MYO5C: variants seen among roughly 807,000 people sequenced by gnomAD.
The protein encoded by MYO5C is unconventional myosin-Vc.
A neutral mutation model predicts 235.7 loss-of-function variants in MYO5C; 194 were observed. The observed-to-expected ratio is 0.82, with a 90% CI of 0.73 to 0.93. The LOEUF (loss-of-function observed/expected upper bound fraction) is 0.93. Among genes scored for constraint, MYO5C ranks in the 40% least tolerant of loss-of-function variants. The pLI is 0.00. For synonymous variants in MYO5C, 707 were observed against 754.8 expected (o/e 0.94, Z 1.04); for missense variants, 2,038 against 2,127.2 (o/e 0.96, Z 0.82).
At chr15:52,250,984 T>C (rs4238389) in intron 13 of MYO5C, 148,896 of 153,522 alleles carry the variant, frequency 0.97, 72,386 homozygotes, top group East Asian at 1. Flanking sequence ...GATAACCCAT[T>C]ATCATCTTGA....
Position 52,201,160 on chromosome 15 carries a change from G to A in MYO5C, c.4820+3705C>T, listed in dbSNP as rs113286705. 9.9e-5 allele frequency among the ~76,000 whole-genome samples: 15 copies of A among 152,202 alleles called. No homozygotes were observed. In the East Asian group the frequency reaches 2.7e-3, roughly 27 times the overall value. ...CAGTGGCTGAAAATGTACCAAATTT[G>A]GTGAATGGCCAGATTCAAGAAGCTC... On this transcript the variant is annotated intron_variant, in intron 38 of 40. Coordinates refer to ENST00000261839, the MANE Select transcript of MYO5C (RefSeq NM_018728.4).
chr15:52,234,094 C>T (rs556438412), intron 23 of MYO5C, among the ~76,000 whole-genome samples: 43 of 152,358 alleles, frequency 2.8e-4, no homozygotes, highest in Non-Finnish European at 4.3e-4. Context: ...TAACCAAAAG[C>T]ATTGGCTTTA....
rs1362363881 is a variant in MYO5C, at chr15:52,206,872, G to A, written c.4387-906C>T. Among the ~76,000 whole-genome samples, 7 of 152,210 alleles carry A rather than the reference G, an allele frequency of 4.6e-5. No homozygotes were observed. In the East Asian group the frequency reaches 1.2e-3, roughly 25 times the overall value. On this transcript the variant is annotated intron_variant, in intron 36 of 40. Coordinates refer to ENST00000261839, the MANE Select transcript of MYO5C (RefSeq NM_018728.4). ...TATAGGGCTGGGCGTGGTGGCTTAC[G>A]CCTGTAATCCAGCACTTTGCGAGGC... is the stretch of plus-strand genomic sequence containing the variant.
At chr15:52,220,493 C>T (rs566181655) in intron 30 of MYO5C, among the ~76,000 whole-genome samples, 30 of 152,260 alleles carry the variant, frequency 2.0e-4, no homozygotes, top group Non-Finnish European at 3.4e-4. Context: ...GCTGGGACTA[C>T]AGGCGCATAC....
intron 19 of MYO5C, chr15:52,242,500 C>T: frequency 3.0e-6 from 1 of 334,390 alleles, no homozygotes; most frequent in Non-Finnish European, 5.6e-6. Context: ...ACTGGTGCTG[C>T]ACTTGCTCAA....
At chr15:52,252,187 A>G (rs546560569) in intron 12 of MYO5C, among the ~76,000 whole-genome samples, 1 of 152,308 alleles carries the variant, frequency 6.6e-6, no homozygotes, top group East Asian at 1.9e-4. Flanking sequence ...TTATTTCTAT[A>G]AAATAGGCAG....
At chr15:52,226,382 T>C (rs2035822729) in intron 25 of MYO5C, among the ~76,000 whole-genome samples, 1 of 152,206 alleles carries the variant, frequency 6.6e-6, no homozygotes, top group Non-Finnish European at 1.5e-5. Context: ...TATTCTCCCT[T>C]GTGAGCTCAG....
intron 1 of MYO5C, among the ~76,000 whole-genome samples, chr15:52,283,887 C>T (rs1480484090): frequency 1.3e-5 from 2 of 151,958 alleles, no homozygotes; most frequent in East Asian, 1.9e-4. Flanking sequence ...GTTGGTCAGG[C>T]TGGTCTCAAA....
At chr15:52,206,547 C>A (rs990203991) in intron 36 of MYO5C, among the ~76,000 whole-genome samples, 50 of 152,132 alleles carry the variant, frequency 3.3e-4, no homozygotes, top group Admixed American at 2.9e-3. Flanking sequence ...AGAAGAGACA[C>A]CAGAGAGAGC....
intron 2 of MYO5C, among the ~76,000 whole-genome samples, chr15:52,280,536 G>A (rs1007449524): frequency 3.3e-5 from 5 of 152,136 alleles, no homozygotes; most frequent in African/African-American, 4.8e-5. Context: ...CAACTAAAGC[G>A]ACTTGAGCAG....
At position 52,204,959 on chromosome 15, in the gene MYO5C, C is replaced by T; in HGVS notation, c.4726G>A (p.Val1576Met). Residue 1576 changes from valine (V) to methionine (M), a missense_variant, in exon 38 of 41, where the codon GTG (valine) becomes ATG (methionine). Physicochemically the swap from Val to Met is conservative, Grantham distance 21. Transcript: ENST00000261839. ...GLDPELVRQA[V>M]KQLFFLIGAV... is the part of the protein sequence containing the mutation. ...CCGATCAAGAAGAAGAGCTGCTTCA[C>T]CGCCTGCCTCACAAGCTCGGGGTCC... 6.2e-7 allele frequency: 1 copy of T among 1,614,254 alleles called. No homozygotes were observed. The highest frequency in any genetic ancestry group is 8.5e-7 in the Non-Finnish European group (1 of 1,180,046).
intron 33 of MYO5C, 145 bp downstream of exon 33, chr15:52,214,458 C>G (rs6493546): frequency 1.8e-6 from 1 of 545,278 alleles, no homozygotes; most frequent in Non-Finnish European, 3.1e-6. Context: ...AGGATCCTTT[C>G]GTTAGCCCAG....
chr15:52,292,754 T>G (rs894366664), intron 1 of MYO5C, among the ~76,000 whole-genome samples: 1 of 152,144 alleles, frequency 6.6e-6, no homozygotes, highest in African/African-American at 2.4e-5. Context: ...GAAGGCACCG[T>G]GTGGAGGGGC....
chr15:52,272,632 A>G lies in MYO5C; in HGVS notation c.698T>C (p.Ile233Thr), dbSNP rs763584858. Residue 233 changes from isoleucine to threonine, a missense_variant, in exon 6 of 41, where the codon ATA becomes ACA. Physicochemically the swap from Ile to Thr is moderately conservative, Grantham distance 89. Coordinates refer to ENST00000261839, the MANE Select transcript of MYO5C (RefSeq NM_018728.4). ...GAGGTAAGTGCTCATGTTGGCTCCT[A>G]TAATTTGATTTTGTTCATCAAAACT... ...EISFDEQNQI[I>T]GANMSTYLLE... 6.2e-7 allele frequency: 1 copy of G among 1,614,020 alleles called. No homozygotes were observed.
intron 8 of MYO5C, among the ~76,000 whole-genome samples, chr15:52,266,867 G>T (rs77630122): frequency 2.0e-5 from 3 of 152,198 alleles, no homozygotes; most frequent in Non-Finnish European, 4.4e-5. Flanking sequence ...GCAGGGAAGA[G>T]GTGCAGTGGC....
At chr15:52,284,760 C>T (rs540225822) in intron 1 of MYO5C, among the ~76,000 whole-genome samples, 2 of 151,654 alleles carry the variant, frequency 1.3e-5, no homozygotes, top group South Asian at 4.2e-4. Flanking sequence ...ACATGGGATA[C>T]AATGAATATG....
chr15:52,240,984 C>A (rs2036207187), intron 20 of MYO5C, among the ~76,000 whole-genome samples: 1 of 152,122 alleles, frequency 6.6e-6, no homozygotes, highest in Non-Finnish European at 1.5e-5. Context: ...TTATTGCTCT[C>A]CTCCCTCCTT....
chr15:52,250,600 T>A (rs1158872770), intron 13 of MYO5C, among the ~76,000 whole-genome samples: 1 of 152,212 alleles, frequency 6.6e-6, no homozygotes, highest in Non-Finnish European at 1.5e-5. Context: ...TGATCACAGC[T>A]TTCCAGGTTG....
chr15:52,287,908 G>A (rs539355068), intron 1 of MYO5C, among the ~76,000 whole-genome samples: 7 of 152,240 alleles, frequency 4.6e-5, no homozygotes, highest in African/African-American at 9.6e-5. Flanking sequence ...CCCGAGAGGC[G>A]GAGGTTTCTG....
Sources: gnomAD v4.1 joint callset for allele counts (sites outside exome capture counted in the v4.1 genomes callset) on GRCh38, gnomAD v4.1.1 for gene constraint, MANE v1.5 for transcripts, NCBI Gene and HGNC (gene_info 2026-07-23, HGNC 2026-07-21) for gene names.